TTC12: variants seen among roughly 807,000 people sequenced by gnomAD.
TTC12 encodes tetratricopeptide repeat protein 12.
Under a neutral mutation model 90.1 loss-of-function variants are expected in TTC12, and 70 were observed. The ratio of observed to expected loss-of-function variants is 0.78; its 90% confidence interval spans 0.64 to 0.95. TTC12 has a LOEUF of 0.95. TTC12 is among the 40% of genes least tolerant of loss of function. The pLI, the probability that TTC12 is intolerant of heterozygous loss-of-function variation, is 0.00. For missense variants in TTC12, 819 were observed against 846.1 expected, an observed-to-expected ratio of 0.97 and a Z score of 0.40; for synonymous variants, 296 against 311.5, an observed-to-expected ratio of 0.95 and a Z score of 0.53.
chr11:113,327,858 C>G (rs1947788762), intron 6 of TTC12, among the ~76,000 whole-genome samples: 1 of 152,204 alleles, frequency 6.6e-6, no homozygotes, highest in African/African-American at 2.4e-5. Context: ...AAAGAGTCGT[C>G]TTCTCTAATT....
intron 21 of TTC12, among the ~76,000 whole-genome samples, chr11:113,372,619 G>A (rs1489037743): frequency 1.3e-5 from 2 of 152,158 alleles, no homozygotes; most frequent in Admixed American, 6.5e-5. Flanking sequence ...TAAGAGCTAT[G>A]ATTCATAAGT....
chr11:113,359,588 A>G (rs1555153929), intron 17 of TTC12, 127 bp downstream of exon 17: 2 of 696,518 alleles, frequency 2.9e-6, no homozygotes, highest in African/African-American at 3.5e-5. Context: ...GTGGAATGGG[A>G]AAAGGCTGGA....
At chr11:113,334,113 G>A (rs896136069) in intron 7 of TTC12, among the ~76,000 whole-genome samples, 7 of 152,088 alleles carry the variant, frequency 4.6e-5, no homozygotes, top group Non-Finnish European at 4.4e-5. Context: ...GATCCACCCC[G>A]GGACATTTTA....
Position 113,344,363 on chromosome 11 carries a change from G to A in TTC12, c.1077G>A (p.Gln359=). 1.2e-6 allele frequency: 2 copies of A among 1,614,196 alleles called. No homozygotes were observed. The highest frequency in any genetic ancestry group is 1.1e-5 in the South Asian group (1 of 91,086). ...CCAAGGTCCTGGCCATCCGGCAGCA[G>A]AGCTTTGCCCTGCTGCTGCATCTCG... ...LSSKVLAIRQ[Q]SFALLLHLAQ... is the part of the protein sequence containing the mutation. Residue 359 remains glutamine, a synonymous_variant, in exon 13 of 22, where the codon CAG becomes CAA. Transcript: ENST00000529221.
intron 16 of TTC12, among the ~76,000 whole-genome samples, chr11:113,358,284 A>G (rs1949728758): frequency 6.6e-6 from 1 of 152,176 alleles, no homozygotes; most frequent in Non-Finnish European, 1.5e-5. Flanking sequence ...CTGCCTGATC[A>G]GACACTCACC....
At position 113,339,490 on chromosome 11, in the gene TTC12, G is replaced by C; in HGVS notation, c.826+16G>C. On this transcript the variant is annotated intron_variant, in intron 10 of 21. Coordinates refer to ENST00000529221, the MANE Select transcript of TTC12 (RefSeq NM_017868.4). ...ATAAATGAGTGTAAGCCAGAGATGT[G>C]TGTGATCTCATGAGTGCTGTCAGTG... 1.2e-6 allele frequency: 2 copies of C among 1,601,792 alleles called. No homozygotes were observed. Among genetic ancestry groups the C allele is most frequent in the Non-Finnish European group, 1.7e-6 (2 of 1,173,380 alleles).
intron 6 of TTC12, 94 bp downstream of exon 6, chr11:113,325,739 G>C (rs1425841048): frequency 6.6e-7 from 1 of 1,520,974 alleles, no homozygotes; most frequent in East Asian, 2.3e-5. Flanking sequence ...GTTGGGCTGG[G>C]AAATGTTTAT....
At chr11:113,336,925 A>G (rs1473380280) in intron 8 of TTC12, among the ~76,000 whole-genome samples, 3 of 152,208 alleles carry the variant, frequency 2.0e-5, no homozygotes, top group Non-Finnish European at 4.4e-5. Context: ...TGAATTCATA[A>G]ATCAATTTGG....
At chr11:113,368,328 A>G (rs1241766475), downstream of TTC12, 33 of 1,546,048 alleles carry the variant, frequency 2.1e-5, no homozygotes, top group Non-Finnish European at 2.6e-5. Flanking sequence ...CACCGCCCCA[A>G]ACTTGTTACC....
At chr11:113,372,656 T>C (rs12285457) in intron 21 of TTC12, among the ~76,000 whole-genome samples, 40,297 of 152,128 alleles carry the variant, frequency 0.26, 7,187 homozygotes, top group East Asian at 0.51. Flanking sequence ...AATAAGCATA[T>C]CTATTATTAT....
At chr11:113,366,449 G>A (rs1043329695), downstream of TTC12, 1 of 1,431,074 alleles carries the variant, frequency 7.0e-7, no homozygotes, top group African/African-American at 1.4e-5. Context: ...GGTAACAAGA[G>A]AGTGGGCATT....
intron 14 of TTC12, among the ~76,000 whole-genome samples, chr11:113,350,584 A>G (rs147893712): frequency 1.0e-3 from 152 of 152,378 alleles, no homozygotes; most frequent in Middle Eastern, 3.4e-3. Flanking sequence ...TGCCAGTGAC[A>G]TTATGAGTAA....
chr11:113,371,915 G>A (rs1950396624), intron 21 of TTC12, among the ~76,000 whole-genome samples: 2 of 152,166 alleles, frequency 1.3e-5, no homozygotes, highest in South Asian at 4.1e-4. Context: ...ACCGTACTTG[G>A]CACATGGAAG....
In TTC12 at chr11:113,352,172, T is replaced by C. The variant is rs1200268459; in HGVS notation, c.1411T>C (p.Cys471Arg). The C allele has an allele frequency of 6.2e-7, 1 of 1,614,240 alleles. No individual in the cohort carries two copies. Among genetic ancestry groups the C allele is most frequent in the East Asian group, 2.2e-5 (1 of 44,886 alleles). ...CACTACCCGAAGACACATGGCGGCC[T>C]GTGAGGAATTTGGGGATGGCTGCTT... ...EPTTRRHMAACEEFGDGCLSL... is the reference protein window; with the variant it reads ...EPTTRRHMAAREEFGDGCLSL... The change falls in exon 16 of 22, where the codon TGT (cysteine) becomes CGT (arginine). Residue 471 changes from cysteine (C) to arginine (R), a missense_variant. By Grantham distance (180) the Cys-to-Arg change is radical. Coordinates refer to ENST00000529221, the MANE Select transcript of TTC12 (RefSeq NM_017868.4).
At position 113,325,021 on chromosome 11, in the gene TTC12, G is replaced by A. The variant is rs1256852444; in HGVS notation, c.322+339G>A. 2.0e-5 allele frequency among the ~76,000 whole-genome samples: 3 copies of A among 152,114 alleles called. No homozygotes were observed. The East Asian group carries it at 5.8e-4, about 29-fold the overall frequency. On this transcript the variant is annotated intron_variant, in intron 5 of 21. Transcript: ENST00000529221. ...CTGGCTAGCCTAAGGCATAGATGAA[G>A]AAGTGGAAAAGAAAAATAAAACAGC...
intron 7 of TTC12, among the ~76,000 whole-genome samples, chr11:113,331,708 G>T (rs4936269): frequency 3.3e-5 from 5 of 152,128 alleles, no homozygotes; most frequent in Non-Finnish European, 4.4e-5. Context: ...CAGGATAACA[G>T]GCTGGCCTGT....
intron 10 of TTC12, among the ~76,000 whole-genome samples, 191 bp from the exon 11 acceptor site, chr11:113,340,473 G>T (rs1192831990): frequency 4.6e-5 from 7 of 152,218 alleles, no homozygotes; most frequent in Non-Finnish European, 8.8e-5. Context: ...AGGCACTGAG[G>T]CCTCTGACGC....
chr11:113,344,491 A>G (rs1204196481), intron 13 of TTC12, 51 bp downstream of exon 13: 2 of 1,568,294 alleles, frequency 1.3e-6, no homozygotes, highest in Non-Finnish European at 8.7e-7. Context: ...TCATCACTTG[A>G]CAAGTTCAGG....
At chr11:113,322,437 G>A (rs1420156966) in intron 2 of TTC12, among the ~76,000 whole-genome samples, 2 of 152,224 alleles carry the variant, frequency 1.3e-5, no homozygotes, top group African/African-American at 4.8e-5. Flanking sequence ...TAGTAAGGAA[G>A]GATGGATGTA....
Sources: allele counts gnomAD v4.1 joint callset (sites outside exome capture counted in the v4.1 genomes callset), GRCh38; gene constraint gnomAD v4.1.1; transcripts MANE v1.5; gene names NCBI Gene and HGNC (gene_info 2026-07-23, HGNC 2026-07-21).